Variants in ASZ1 observed in about 807,000 individuals in gnomAD.
ASZ1 encodes the protein ankyrin repeat, SAM and basic leucine zipper domain containing 1.
Under a neutral mutation model 61.8 loss-of-function variants are expected in ASZ1, and 67 were observed. The ratio of observed to expected loss-of-function variants is 1.08; its 90% confidence interval spans 0.89 to 1.33. The LOEUF is 1.33. ASZ1 is among the 40% of genes most tolerant of loss of function. The probability of loss-of-function intolerance (pLI) is 0.00; values close to 1 mark genes in which losing one functional copy is unlikely to be tolerated. For missense variants in ASZ1, 577 were observed against 554.5 expected (o/e 1.04, Z -0.41); for synonymous variants, 193 against 192.7 (o/e 1.00, Z -0.01).
At chr7:117,378,839 T>A (rs1796189451) in intron 10 of ASZ1, among the ~76,000 whole-genome samples, 2 of 151,990 alleles carry the variant, frequency 1.3e-5, no homozygotes, top group African/African-American at 4.8e-5. Context: ...GGAATACTAC[T>A]CAGCAATAAA....
At chr7:117,418,208 G>C (rs935370719) in intron 4 of ASZ1, among the ~76,000 whole-genome samples, 5 of 152,134 alleles carry the variant, frequency 3.3e-5, no homozygotes, top group Non-Finnish European at 7.4e-5. Context: ...TTTATCTCAT[G>C]CCACTTCTAA....
intron 4 of ASZ1, among the ~76,000 whole-genome samples, chr7:117,399,122 T>C (rs1220305085): frequency 2.0e-5 from 3 of 151,980 alleles, no homozygotes; most frequent in Non-Finnish European, 4.4e-5. Context: ...CCAAGCTCCT[T>C]AGGAGGCTGA....
intron 4 of ASZ1, among the ~76,000 whole-genome samples, chr7:117,405,304 A>G (rs895862123): frequency 2.0e-4 from 31 of 152,250 alleles, no homozygotes; most frequent in Non-Finnish European, 3.4e-4. Flanking sequence ...CAGGCAGGAC[A>G]GTTAGGTCTC....
intron 4 of ASZ1, among the ~76,000 whole-genome samples, chr7:117,399,180 G>A (rs1231471306): frequency 6.6e-6 from 1 of 152,134 alleles, no homozygotes; most frequent in African/African-American, 2.4e-5. Flanking sequence ...CAGTGAGCCA[G>A]GATCACACCA....
At chr7:117,415,810 T>A (rs1303538038) in intron 4 of ASZ1, among the ~76,000 whole-genome samples, 1 of 152,136 alleles carries the variant, frequency 6.6e-6, no homozygotes, top group Non-Finnish European at 1.5e-5. Context: ...TTAGTACACA[T>A]ACACAAATGG....
At chr7:117,389,576 G>T (rs1162395501) in intron 4 of ASZ1, among the ~76,000 whole-genome samples, 1 of 152,092 alleles carries the variant, frequency 6.6e-6, no homozygotes, top group Non-Finnish European at 1.5e-5. Flanking sequence ...CCCACTTAGG[G>T]GTAGTTATGA....
chr7:117,410,411 T>C (rs778078770), intron 4 of ASZ1, among the ~76,000 whole-genome samples: 51 of 151,714 alleles, frequency 3.4e-4, no homozygotes, highest in Non-Finnish European at 6.7e-4. Context: ...TTTTTCTTAA[T>C]AGCGTAACTC....
At chr7:117,369,736 C>G (rs17139750) in intron 10 of ASZ1, among the ~76,000 whole-genome samples, 1 of 152,096 alleles carries the variant, frequency 6.6e-6, no homozygotes, top group East Asian at 1.9e-4. Flanking sequence ...CCACGGAAGG[C>G]GGTGCTGCCA....
In ASZ1 at chr7:117,379,992, T is replaced by A. The variant is rs150274291; in HGVS notation, c.1001A>T (p.Gln334Leu). The A allele has an allele frequency of 9.9e-5, 159 of 1,607,560 alleles. No individual in the cohort carries two copies. Among genetic ancestry groups the A allele is most frequent in the Non-Finnish European group, 1.3e-4 (150 of 1,176,760 alleles). ...CTCTCCAAATTGTATCTCTTCTACC[T>A]GTAGTTCTTTAAGAGCAGCCAGAAT... ...QKILAALKEL[Q>L]VEEIQFGELS... Residue 334 changes from glutamine to leucine, a missense_variant, in exon 10 of 13, where the codon CAG becomes CTG. Transcript: ENST00000284629.
At position 117,405,958 on chromosome 7, in the gene ASZ1, T is replaced by C. The variant is rs150602368; in HGVS notation, c.440+14205A>G. ...GGGTCTGAATCCCCTGTATGGCCTG[T>C]ATTCCAAGGAATGGGCCAGGGGTTC... On this transcript the variant is annotated intron_variant, in intron 4 of 12. Transcript: ENST00000284629. 2.0e-3 allele frequency among the ~76,000 whole-genome samples: 309 copies of C among 152,364 alleles called. 4 individuals are homozygous for C. The Middle Eastern group carries it at 0.02, about 10-fold the overall frequency.
At chr7:117,427,274 G>A (rs568007075) in intron 1 of ASZ1, 82 bp downstream of exon 1, 12 of 1,422,116 alleles carry the variant, frequency 8.4e-6, no homozygotes, top group East Asian at 6.8e-5. Flanking sequence ...GGGAGTAGGA[G>A]GTTTCACGAG....
At chr7:117,417,233 C>T (rs1186457916) in intron 4 of ASZ1, among the ~76,000 whole-genome samples, 6 of 152,154 alleles carry the variant, frequency 3.9e-5, no homozygotes, top group African/African-American at 9.6e-5. Context: ...CTATCAAGTA[C>T]GTGACCATCT....
intron 2 of ASZ1, among the ~76,000 whole-genome samples, chr7:117,425,629 T>C (rs951100929): frequency 1.3e-5 from 2 of 152,134 alleles, no homozygotes; most frequent in Non-Finnish European, 2.9e-5. Context: ...TTAAAGTTTT[T>C]TTTTTATTTA....
At chr7:117,416,906 T>C (rs559933939) in intron 4 of ASZ1, among the ~76,000 whole-genome samples, 123 of 152,314 alleles carry the variant, frequency 8.1e-4, no homozygotes, top group Non-Finnish European at 1.4e-3. Context: ...TGTAGTGTAG[T>C]GCAAACAGAA....
chr7:117,382,696 G>A (rs565445003), intron 7 of ASZ1, among the ~76,000 whole-genome samples: 1 of 151,986 alleles, frequency 6.6e-6, no homozygotes, highest in South Asian at 2.1e-4. Context: ...AGAAAACAAG[G>A]TGTTATACTG....
intron 4 of ASZ1, among the ~76,000 whole-genome samples, chr7:117,402,869 A>C (rs1040520224): frequency 1.3e-5 from 2 of 151,994 alleles, no homozygotes; most frequent in Non-Finnish European, 2.9e-5. Context: ...TGCTGCCCAT[A>C]CTCCGTTTGC....
rs199687267 is a variant in ASZ1, at chr7:117,368,657, T to C, written c.1116A>G (p.Thr372=). ...KLNKQCGHLI[T]AVQNVITELP... ...ACTCAGTAATAACATTCTGTACAGCTGTTATTAAATGGCCACACTGTTTAT... is the reference window on the plus strand; with the variant it reads ...ACTCAGTAATAACATTCTGTACAGCCGTTATTAAATGGCCACACTGTTTAT... The change falls in exon 11 of 13, where the codon ACA becomes ACG. Residue 372 remains threonine, a synonymous_variant. Coordinates refer to ENST00000284629, the MANE Select transcript of ASZ1 (RefSeq NM_130768.3). 111 of 1,612,944 alleles carry C rather than the reference T, an allele frequency of 6.9e-5. No individual in the cohort carries two copies. The highest frequency in any genetic ancestry group is 4.4e-4 in the South Asian group (40 of 91,010).
In ASZ1 at chr7:117,384,835, C is replaced by T. The variant is rs760025350; in HGVS notation, c.578G>A (p.Gly193Asp). 1.2e-6 allele frequency: 2 copies of T among 1,603,624 alleles called. No homozygotes were observed. The highest frequency in any genetic ancestry group is 3.5e-5 in the Admixed American group (2 of 57,970). ...CAACTTCAAAACTATATTTTTATGA[C>T]CCTGACGTGCTGCCCACGTTAAAGC... ...YTALTWAARQ[G>D]HKNIVLKLLE... The change falls in exon 6 of 13, where the codon GGT becomes GAT. Residue 193 changes from glycine to aspartate, a missense_variant. Coordinates refer to ENST00000284629, the MANE Select transcript of ASZ1 (RefSeq NM_130768.3).
chr7:117,365,033 T>C (rs937920782), intron 12 of ASZ1, among the ~76,000 whole-genome samples: 1 of 152,142 alleles, frequency 6.6e-6, no homozygotes, highest in Admixed American at 6.6e-5. Flanking sequence ...CAATTATTAT[T>C]GGTAAACTCT....
Sources: allele counts gnomAD v4.1 joint callset (sites outside exome capture counted in the v4.1 genomes callset), GRCh38; gene constraint gnomAD v4.1.1; transcripts MANE v1.5; gene names NCBI Gene and HGNC (gene_info 2026-07-23, HGNC 2026-07-21).